Variants in COLQ observed in about 807,000 individuals in gnomAD.
COLQ encodes the protein acetylcholinesterase collagenic tail peptide.
A neutral mutation model predicts 69.0 loss-of-function variants in COLQ; 48 were observed. That is an observed-to-expected ratio of 0.70 (90% confidence interval 0.55 to 0.88). The LOEUF (loss-of-function observed/expected upper bound fraction) is 0.88. Among genes scored for constraint, COLQ ranks in the 40% least tolerant of loss-of-function variants. The pLI, the probability that COLQ is intolerant of heterozygous loss-of-function variation, is 0.00. For synonymous variants in COLQ, 217 were observed against 211.2 expected (o/e 1.03, Z -0.24); for missense variants, 618 against 594.6 (o/e 1.04, Z -0.41).
intron 3 of COLQ, among the ~76,000 whole-genome samples, chr3:15,480,416 G>A (rs1329545976): frequency 2.6e-5 from 4 of 151,580 alleles, no homozygotes; most frequent in Non-Finnish European, 4.4e-5. Context: ...CCACCTATGA[G>A]TGAGAACATG....
chr3:15,464,830 C>A (rs1020935256), intron 12 of COLQ, among the ~76,000 whole-genome samples: 1 of 152,132 alleles, frequency 6.6e-6, no homozygotes, highest in Non-Finnish European at 1.5e-5. Context: ...CTACCATGAG[C>A]TGACAAGGGA....
intron 11 of COLQ, among the ~76,000 whole-genome samples, chr3:15,469,312 G>A (rs1319450485): frequency 6.6e-6 from 1 of 152,160 alleles, no homozygotes; most frequent in African/African-American, 2.4e-5. Flanking sequence ...ACAGAAGGAA[G>A]CCAGGAAGCT....
chr3:15,502,930 C>G (rs2062852462), intron 1 of COLQ, among the ~76,000 whole-genome samples: 1 of 152,222 alleles, frequency 6.6e-6, no homozygotes, highest in South Asian at 2.1e-4. Context: ...TTAACCCTCA[C>G]AACTGATTAT....
chr3:15,497,858 C>T (rs746686959), intron 1 of COLQ, among the ~76,000 whole-genome samples: 10 of 152,180 alleles, frequency 6.6e-5, no homozygotes, highest in Non-Finnish European at 1.3e-4. Context: ...TCACATGTTC[C>T]AGAGAAGGCT....
intron 5 of COLQ, among the ~76,000 whole-genome samples, chr3:15,478,098 C>G (rs1336721999): frequency 6.6e-6 from 1 of 152,248 alleles, no homozygotes; most frequent in African/African-American, 2.4e-5. Flanking sequence ...TGTTGCCTCC[C>G]ACATCCATGG....
At chr3:15,457,716 G>C (rs888757730) in intron 13 of COLQ, among the ~76,000 whole-genome samples, 1 of 151,942 alleles carries the variant, frequency 6.6e-6, no homozygotes, top group Admixed American at 6.6e-5. Flanking sequence ...GGGTTCAAGC[G>C]ATTCTCCCAC....
At chr3:15,456,401 A>AATCCAGGAGAG in intron 14 of COLQ, 59 bp downstream of exon 14, 2 of 1,606,436 alleles carry the variant, frequency 1.2e-6, no homozygotes, top group South Asian at 2.2e-5. Context: ...CCCTTCCTTT[A>AATCCAGGAGAG]ATGGATGCAT....
At chr3:15,479,910 T>G (rs73031533) in intron 3 of COLQ, among the ~76,000 whole-genome samples, 206 of 152,248 alleles carry the variant, frequency 1.4e-3, no homozygotes, top group Admixed American at 3.5e-3. Flanking sequence ...AGGAAAAAAG[T>G]CTTCTTTTTT....
chr3:15,510,466 T>C (rs2062970015), intron 1 of COLQ, among the ~76,000 whole-genome samples: 1 of 141,016 alleles, frequency 7.1e-6, no homozygotes, highest in Non-Finnish European at 1.5e-5. Flanking sequence ...CCCAGCACTT[T>C]GGGAAGCCAA....
chr3:15,498,653 C>T (rs946674423), intron 1 of COLQ: 36 of 1,550,914 alleles, frequency 2.3e-5, no homozygotes, highest in African/African-American at 5.5e-5. Flanking sequence ...AGATTCGTCA[C>T]GCCTCTGAGT....
rs902231663 is a variant in COLQ at position 15,473,449 on chromosome 3, T to C, written c.636+551A>G. Among the ~76,000 whole-genome samples, 17 of 152,238 alleles carry C rather than the reference T, an allele frequency of 1.1e-4. No homozygotes were observed. The highest frequency in any genetic ancestry group is 3.6e-4 in the African/African-American group (15 of 41,470). ...CTGGGATTACAGGCATGAGGCACCA[T>C]GCCTGGCCAATATTTAACTATTTAA... is the stretch of plus-strand genomic sequence containing the variant. On this transcript the variant is annotated intron_variant, in intron 10 of 16. Transcript: ENST00000383788. The surrounding 1 kb of genome is among the most constrained non-coding windows in gnomAD (Gnocchi z 4.0).
chr3:15,463,504 G>A (rs1219734177), intron 12 of COLQ, among the ~76,000 whole-genome samples: 4 of 151,800 alleles, frequency 2.6e-5, no homozygotes, highest in African/African-American at 9.7e-5. Flanking sequence ...CCGCCACTAC[G>A]CCCGGCTAAT....
rs764911038 is a variant in COLQ, at chr3:15,477,080, C to T, written c.465+46G>A. ...GCCAGGAAAGCTGCCATCTTCCCCC[C>T]TCTTGTTTTGACACCGCATGAGCCC... On this transcript the variant is annotated intron_variant, in intron 6 of 16. Coordinates refer to ENST00000383788, the MANE Select transcript of COLQ (RefSeq NM_005677.4). 13 of 1,539,958 alleles carry T rather than the reference C, an allele frequency of 8.4e-6. No individual in the cohort carries two copies. In the African/African-American group the frequency reaches 1.8e-4, roughly 21 times the overall value.
At position 15,458,847 on chromosome 3, in the gene COLQ, T is replaced by A. The variant is rs1316377440; in HGVS notation, c.815-522A>T. 4.5e-5 allele frequency among the ~76,000 whole-genome samples: 6 copies of A among 131,930 alleles called. 1 individual carries two copies. The highest frequency in any genetic ancestry group is 1.4e-4 in the Admixed American group (2 of 13,868). The allele number at this position is 131,930 out of a possible 152,430, so 86.6% of individuals were successfully genotyped here. ...ACTTTTGTTTTTCTTATATATAGAA[T>A]TTTTTTTTTTTTTTGAGATGGAGTC... On this transcript the variant is annotated intron_variant, in intron 12 of 16. Transcript: ENST00000383788.
intron 1 of COLQ, among the ~76,000 whole-genome samples, chr3:15,511,569 C>T (rs2062985140): frequency 6.6e-6 from 1 of 152,208 alleles, no homozygotes; most frequent in Non-Finnish European, 1.5e-5. Context: ...GCTGCTCCTG[C>T]AGGGCCCTGC....
At chr3:15,510,165 G>C (rs1204175157) in intron 1 of COLQ, among the ~76,000 whole-genome samples, 1 of 151,462 alleles carries the variant, frequency 6.6e-6, no homozygotes. Context: ...GACAGAGCGA[G>C]ACTCTGTCTA....
At chr3:15,451,829 T>G in intron 16 of COLQ, 116 bp from the exon 17 acceptor site, 1 of 906,442 alleles carries the variant, frequency 1.1e-6, no homozygotes, top group Admixed American at 1.9e-5. Context: ...TTTTTCCCAT[T>G]CTCATTTGGA....
At chr3:15,502,204 C>T (rs2062840845) in intron 1 of COLQ, among the ~76,000 whole-genome samples, 1 of 151,172 alleles carries the variant, frequency 6.6e-6, no homozygotes, top group Non-Finnish European at 1.5e-5. Flanking sequence ...CAACCTCTGC[C>T]TCTCGGATTT....
At chr3:15,492,813 T>C (rs1004767930) in intron 1 of COLQ, among the ~76,000 whole-genome samples, 1 of 152,218 alleles carries the variant, frequency 6.6e-6, no homozygotes, top group East Asian at 1.9e-4. Flanking sequence ...CTCTCACTCC[T>C]GACCCGGCTC....
Sources: allele counts gnomAD v4.1 joint callset (sites outside exome capture counted in the v4.1 genomes callset), GRCh38; gene constraint gnomAD v4.1.1; non-coding constraint Gnocchi (gnomAD v3.1); transcripts MANE v1.5; gene names NCBI Gene and HGNC (gene_info 2026-07-23, HGNC 2026-07-21).